Variants in DMXL2 observed in about 807,000 individuals in gnomAD.
DMXL2 encodes the protein dmX-like protein 2.
Under a neutral mutation model 331.1 loss-of-function variants are expected in DMXL2, and 103 were observed. That is an observed-to-expected ratio of 0.31 (90% CI 0.27 to 0.37). The LOEUF (loss-of-function observed/expected upper bound fraction) is 0.37. Ranked by LOEUF, DMXL2 falls within the 10% of genes least tolerant of loss-of-function variation. DMXL2 has a pLI of 1.00. For missense variants in DMXL2, 3,171 were observed against 3,642.9 expected (o/e 0.87, Z 3.33); for synonymous variants, 1,281 against 1,252.1 (o/e 1.02, Z -0.49).
chr15:51,536,561 A>G lies in DMXL2; in HGVS notation c.1919T>C (p.Val640Ala), dbSNP rs1306080885. ...DKSAFTTVLT[V>A]SHKFRYCGHR... Reference sequence around the variant, plus strand: ...ACCGCAATATCTAAATTTGTGAGATACAGTTAGAACAGTGGTAAAGGCAGA... The same window carrying G: ...ACCGCAATATCTAAATTTGTGAGATGCAGTTAGAACAGTGGTAAAGGCAGA... Residue 640 changes from valine (V) to alanine (A), a missense_variant, in exon 12 of 44, where the codon GTA becomes GCA. By Grantham distance (64) the Val-to-Ala change is moderately conservative. Around this residue, in one of 7 missense-constraint regions of DMXL2, gnomAD observed 1,674 missense variants for 1,780.2 expected, o/e 0.94. Transcript: ENST00000560891. The G allele has an allele frequency of 6.2e-7, 1 of 1,613,990 alleles. No individual in the cohort carries two copies. The highest frequency in any genetic ancestry group is 8.5e-7 in the Non-Finnish European group (1 of 1,179,966).
chr15:51,502,306 T>TTGTG (rs769283309), intron 17 of DMXL2, among the ~76,000 whole-genome samples: 3,303 of 140,430 alleles, frequency 0.024, 58 homozygotes, highest in Non-Finnish European at 0.03. Context: ...TTTTGTGGGT[T>TTGTG]TGTGTGTGTG....
Position 51,488,096 on chromosome 15 carries a change from G to A in DMXL2, c.5075C>T (p.Thr1692Ile), listed in dbSNP as rs1488107259. 6.2e-7 allele frequency: 1 copy of A among 1,607,864 alleles called. No homozygotes were observed. The highest frequency in any genetic ancestry group is 8.5e-7 in the Non-Finnish European group (1 of 1,177,650). The change falls in exon 22 of 44, where the codon ACA becomes ATA. Residue 1692 changes from threonine to isoleucine, a missense_variant. Physicochemically the swap from Thr to Ile is moderately conservative, Grantham distance 89. Transcript: ENST00000560891. ...LFRSQHDEKM[T>I]TFFSHNFNED... The stretch of plus-strand genomic sequence containing the variant: ...ATTAAAGTTGTGGCTGAAAAATGTT[G>A]TCATTTTTTCATCATGCTGTGACCT...
intron 1 of DMXL2, among the ~76,000 whole-genome samples, chr15:51,593,149 T>G (rs1006914170): frequency 3.9e-5 from 6 of 152,188 alleles, no homozygotes; most frequent in African/African-American, 1.2e-4. Context: ...GACCCATCAG[T>G]GTGCTGTATT....
intron 10 of DMXL2, 111 bp downstream of exon 10, chr15:51,538,102 A>G: frequency 7.4e-7 from 1 of 1,356,846 alleles, no homozygotes. Flanking sequence ...TGTGTAACAA[A>G]TAGAAAAGTA....
At chr15:51,504,561 G>T (rs141087520) in intron 16 of DMXL2, among the ~76,000 whole-genome samples, 10 of 152,140 alleles carry the variant, frequency 6.6e-5, no homozygotes, top group African/African-American at 2.2e-4. Flanking sequence ...TAAAGGCAGG[G>T]ATGATGTGTT....
chr15:51,599,357 T>C (rs534101099), intron 1 of DMXL2, among the ~76,000 whole-genome samples: 1 of 152,338 alleles, frequency 6.6e-6, no homozygotes, highest in South Asian at 2.1e-4. Flanking sequence ...GGGGTATCAC[T>C]GCTTCTAGGC....
chr15:51,542,731 A>G (rs1329261265), intron 8 of DMXL2, among the ~76,000 whole-genome samples: 3 of 152,114 alleles, frequency 2.0e-5, no homozygotes, highest in Admixed American at 6.5e-5. Context: ...ATACTTATTC[A>G]TGGTATCTAT....
At chr15:51,510,773 C>A (rs145208110) in intron 15 of DMXL2, among the ~76,000 whole-genome samples, 3 of 152,124 alleles carry the variant, frequency 2.0e-5, no homozygotes, top group Non-Finnish European at 2.9e-5. Context: ...TGAGGCATCA[C>A]GCTACCTGAC....
Position 51,507,123 on chromosome 15 carries a change from T to C in DMXL2, c.2764+11A>G. 6.3e-7 allele frequency: 1 copy of C among 1,577,290 alleles called. No homozygotes were observed. The highest frequency in any genetic ancestry group is 8.6e-7 in the Non-Finnish European group (1 of 1,160,950). ...TATGTATCATCTCTGTATAAAACTA[T>C]AATTACTTACCTAAACATGCTTGTA... is the stretch of plus-strand genomic sequence containing the variant. On this transcript the variant is annotated intron_variant, in intron 16 of 43. Coordinates refer to ENST00000560891, the MANE Select transcript of DMXL2 (RefSeq NM_001378457.1).
At chr15:51,573,272 G>A (rs1239956261) in intron 2 of DMXL2, among the ~76,000 whole-genome samples, 22 of 152,194 alleles carry the variant, frequency 1.4e-4, no homozygotes, top group Admixed American at 4.6e-4. Flanking sequence ...TCAACCATTT[G>A]TGTAAGACAG....
At chr15:51,458,853 G>A (rs2039879241) in intron 34 of DMXL2, 58 bp from the exon 35 acceptor site, 3 of 1,375,714 alleles carry the variant, frequency 2.2e-6, no homozygotes, top group Non-Finnish European at 3.1e-6. Flanking sequence ...TTAGAGTTAT[G>A]CACATCCCAT....
At chr15:51,512,688 T>C (rs1233254372) in intron 15 of DMXL2, among the ~76,000 whole-genome samples, 2 of 151,710 alleles carry the variant, frequency 1.3e-5, no homozygotes, top group Non-Finnish European at 2.9e-5. Flanking sequence ...TACAGCCGAG[T>C]AGCTGTAATC....
Position 51,458,591 on chromosome 15 carries a change from C to T in DMXL2, c.8113G>A (p.Asp2705Asn). ...GAAGTAACATCAAGTTCTTGAACAT[C>T]ATGTGTTGAAGCCAAAACAATTTCA... ...CNEIVLASTHDVQELDVTSLL... is the reference protein window; with the variant it reads ...CNEIVLASTHNVQELDVTSLL... Residue 2705 changes from aspartate to asparagine, a missense_variant, in exon 36 of 44, where the codon GAT becomes AAT. Transcript: ENST00000560891. 1 of 1,613,900 alleles carries T rather than the reference C, an allele frequency of 6.2e-7. No individual in the cohort carries two copies. The highest frequency in any genetic ancestry group is 8.5e-7 in the Non-Finnish European group (1 of 1,179,844).
chr15:51,602,265 T>C (rs924364365), intron 1 of DMXL2, among the ~76,000 whole-genome samples: 2 of 152,138 alleles, frequency 1.3e-5, no homozygotes, highest in African/African-American at 4.8e-5. Context: ...TACTTTTGGC[T>C]CAAGGAATGG....
In DMXL2 at chr15:51,517,497, A is replaced by G. The variant is rs572235593; in HGVS notation, c.2437-330T>C. On this transcript the variant is annotated intron_variant, in intron 13 of 43. Coordinates refer to ENST00000560891, the MANE Select transcript of DMXL2 (RefSeq NM_001378457.1). ...GTCTGCAGATGTGCAATGCCATTTA[A>G]AAGTACAACCCTGCCAGACCGAAGG... Among the ~76,000 whole-genome samples, 6 of 152,346 alleles carry G rather than the reference A, an allele frequency of 3.9e-5. No homozygotes were observed. The East Asian group carries it at 1.2e-3, about 29-fold the overall frequency.
intron 1 of DMXL2, among the ~76,000 whole-genome samples, chr15:51,590,472 A>T (rs146638571): frequency 2.0e-4 from 30 of 152,332 alleles, no homozygotes; most frequent in Admixed American, 1.7e-3. Flanking sequence ...TTGTGTTACA[A>T]GACTCTTGGA....
At chr15:51,541,464 T>C (rs997051792) in intron 9 of DMXL2, among the ~76,000 whole-genome samples, 1 of 152,154 alleles carries the variant, frequency 6.6e-6, no homozygotes, top group Non-Finnish European at 1.5e-5. Context: ...CATATCTCAA[T>C]TTGGACCAGC....
intron 1 of DMXL2, among the ~76,000 whole-genome samples, chr15:51,590,629 G>T (rs949632500): frequency 6.6e-6 from 1 of 151,956 alleles, no homozygotes; most frequent in Admixed American, 6.6e-5. Flanking sequence ...CTAGGCTCAG[G>T]TGATCCTCCC....
chr15:51,486,872 T>C (rs995005329), intron 22 of DMXL2, among the ~76,000 whole-genome samples: 12 of 152,190 alleles, frequency 7.9e-5, no homozygotes, highest in Non-Finnish European at 1.3e-4. Flanking sequence ...TTTGCTTGAA[T>C]ATCTTCTAAG....
Sources: allele counts gnomAD v4.1 joint callset (sites outside exome capture counted in the v4.1 genomes callset), GRCh38; gene constraint gnomAD v4.1.1; regional missense constraint gnomAD v4.1.1; transcripts MANE v1.5; gene names NCBI Gene and HGNC (gene_info 2026-07-23, HGNC 2026-07-21).